CADM2: variants seen among roughly 807,000 people sequenced by gnomAD.
The protein encoded by CADM2 is immunoglobulin superfamily member 4D.
Under a neutral mutation model 49.8 loss-of-function variants are expected in CADM2, and 12 were observed. The ratio of observed to expected loss-of-function variants is 0.24; its 90% CI spans 0.15 to 0.39. The LOEUF is 0.39. Ranked by LOEUF, CADM2 falls within the 10% of genes least tolerant of loss-of-function variation. CADM2 has a pLI of 1.00. For synonymous variants in CADM2, 214 were observed against 175.4 expected (o/e 1.22, Z -1.74); for missense variants, 378 against 492.3 (o/e 0.77, Z 2.20).
rs148627355 is a variant in CADM2 at position 86,001,652 on chromosome 3, T to G, written c.970+40005T>G. ...TGAGCAGAACATGAAAGGAAATAAG[T>G]GCACAGTAAACCAAGAATTTGTTGC... On this transcript the variant is annotated intron_variant, in intron 8 of 9. Coordinates refer to ENST00000383699, the MANE Select transcript of CADM2 (RefSeq NM_001167675.2). Among the ~76,000 whole-genome samples, 50 of 152,112 alleles carry G rather than the reference T, an allele frequency of 3.3e-4. No homozygotes were observed. In the East Asian group the frequency reaches 9.5e-3, roughly 29 times the overall value.
chr3:86,004,971 A>T (rs1730605952), intron 8 of CADM2, among the ~76,000 whole-genome samples: 1 of 152,142 alleles, frequency 6.6e-6, no homozygotes, highest in Non-Finnish European at 1.5e-5. Context: ...TATCTGGGCC[A>T]CATGCTTTAC....
intron 1 of CADM2, among the ~76,000 whole-genome samples, chr3:85,170,676 G>A (rs545117197): frequency 6.6e-6 from 1 of 152,212 alleles, no homozygotes; most frequent in African/African-American, 2.4e-5. Flanking sequence ...GCTTTTCTCT[G>A]CAGTGCTGAA....
At chr3:84,997,420 A>C (rs929634865) in intron 1 of CADM2, among the ~76,000 whole-genome samples, 7 of 152,054 alleles carry the variant, frequency 4.6e-5, no homozygotes, top group Admixed American at 2.0e-4. Context: ...AGAAAGAATT[A>C]TGTTTCCTTT....
chr3:85,515,922 T>C (rs1446917085), intron 1 of CADM2, among the ~76,000 whole-genome samples: 2 of 152,196 alleles, frequency 1.3e-5, no homozygotes, highest in South Asian at 2.1e-4. Context: ...ATTTAGCCTT[T>C]GTGTTTGTGT....
intron 5 of CADM2, among the ~76,000 whole-genome samples, chr3:85,891,568 A>C (rs1714439344): frequency 6.6e-6 from 1 of 152,182 alleles, no homozygotes; most frequent in Admixed American, 6.5e-5. Context: ...GGTGATTATC[A>C]AGGATGGGCC....
chr3:85,994,389 G>A (rs1729119193), intron 8 of CADM2: 1 of 152,186 alleles, frequency 6.6e-6, no homozygotes, highest in African/African-American at 2.4e-5. Flanking sequence ...AGAATGCTGT[G>A]GCAGATTTGG....
intron 1 of CADM2, among the ~76,000 whole-genome samples, chr3:85,714,765 CT>C (rs2067231513): frequency 6.6e-6 from 1 of 152,050 alleles, no homozygotes; most frequent in Non-Finnish European, 1.5e-5. Flanking sequence ...TATTCTGCTT[CT>C]TTTCCCACCT....
In CADM2 at chr3:85,524,424, A is replaced by G. The variant is rs1024731386; in HGVS notation, c.62-202098A>G. ...GTTTTTCATTTTCATTTAGTTATTT[A>G]TATGTTTGCTATTTAGTTTTCAATA... On this transcript the variant is annotated intron_variant, in intron 1 of 9. Transcript: ENST00000383699. Among the ~76,000 whole-genome samples, 20 of 151,954 alleles carry G rather than the reference A, an allele frequency of 1.3e-4. 1 individual carries two copies. The highest frequency in any genetic ancestry group is 4.8e-4 in the African/African-American group (20 of 41,380).
At chr3:85,442,141 G>A (rs1217332261) in intron 1 of CADM2, among the ~76,000 whole-genome samples, 1 of 151,906 alleles carries the variant, frequency 6.6e-6, no homozygotes, top group Non-Finnish European at 1.5e-5. Context: ...AAGTTTTTAT[G>A]CGCGTCATAA....
At chr3:85,655,099 C>A (rs147206972) in intron 1 of CADM2, among the ~76,000 whole-genome samples, 8 of 151,602 alleles carry the variant, frequency 5.3e-5, no homozygotes, top group African/African-American at 1.9e-4. Flanking sequence ...TTTTGGCATG[C>A]TTTGCTAAAA....
At chr3:85,417,908 T>G (rs925931471) in intron 1 of CADM2, among the ~76,000 whole-genome samples, 2 of 152,154 alleles carry the variant, frequency 1.3e-5, no homozygotes, top group African/African-American at 4.8e-5. Context: ...GGATCTGAGA[T>G]GCTGCAATTT....
intron 1 of CADM2, among the ~76,000 whole-genome samples, chr3:84,990,085 A>G (rs890449178): frequency 6.6e-6 from 1 of 151,828 alleles, no homozygotes; most frequent in Non-Finnish European, 1.5e-5. Flanking sequence ...TTTAATATTT[A>G]ATGATCCCAT....
At chr3:85,348,762 T>G (rs1325336540) in intron 1 of CADM2, among the ~76,000 whole-genome samples, 2 of 152,104 alleles carry the variant, frequency 1.3e-5, no homozygotes, top group Non-Finnish European at 2.9e-5. Context: ...ACTTGAAAAA[T>G]TAATACAATC....
chr3:85,393,902 T>A (rs1328453737), intron 1 of CADM2, among the ~76,000 whole-genome samples: 2 of 152,062 alleles, frequency 1.3e-5, no homozygotes, highest in South Asian at 4.1e-4. Context: ...CGCCTCCCAG[T>A]TTCACGCCAT....
intron 1 of CADM2, among the ~76,000 whole-genome samples, chr3:85,163,936 A>C (rs1415894998): frequency 2.0e-5 from 3 of 151,774 alleles, no homozygotes; most frequent in African/African-American, 7.3e-5. Context: ...TACACCCTGT[A>C]CTCTCCCACT....
At chr3:85,670,979 T>G (rs2065718479) in intron 1 of CADM2, among the ~76,000 whole-genome samples, 1 of 152,150 alleles carries the variant, frequency 6.6e-6, no homozygotes, top group Admixed American at 6.5e-5. Flanking sequence ...AGTCAAAGTG[T>G]GATTAGTTTG....
At chr3:85,028,568 T>C (rs1422036017) in intron 1 of CADM2, among the ~76,000 whole-genome samples, 1 of 152,150 alleles carries the variant, frequency 6.6e-6, no homozygotes, top group African/African-American at 2.4e-5. Flanking sequence ...AATTTCTGAA[T>C]ACAAAACTCT....
chr3:85,813,031 G>T (rs1280122882), intron 3 of CADM2, among the ~76,000 whole-genome samples: 1 of 152,144 alleles, frequency 6.6e-6, no homozygotes, highest in Non-Finnish European at 1.5e-5. Context: ...TGTCTTTATA[G>T]TAGAATAATT....
At chr3:85,710,660 A>G (rs1214339880) in intron 1 of CADM2, among the ~76,000 whole-genome samples, 2 of 152,116 alleles carry the variant, frequency 1.3e-5, no homozygotes, top group African/African-American at 2.4e-5. Flanking sequence ...GGAGCCTTCT[A>G]TTGGCTTTCA....
Sources: gnomAD v4.1 joint callset for allele counts (sites outside exome capture counted in the v4.1 genomes callset) on GRCh38, gnomAD v4.1.1 for gene constraint, MANE v1.5 for transcripts, NCBI Gene and HGNC (gene_info 2026-07-23, HGNC 2026-07-21) for gene names.